Variants in MGAM observed in about 807,000 individuals in gnomAD.
The protein encoded by MGAM is maltase-glucoamylase, also known as alpha-1,4-glucosidase.
Under a neutral mutation model 358.8 loss-of-function variants are expected in MGAM, and 253 were observed. The observed-to-expected ratio is 0.71, with a 90% CI of 0.64 to 0.78. MGAM has a LOEUF of 0.78. Among genes scored for constraint, MGAM ranks in the 30% least tolerant of loss-of-function variants. The pLI is 0.00. For missense variants in MGAM, 3,080 were observed against 3,432.6 expected, an observed-to-expected ratio of 0.90 and a Z score of 2.57; for synonymous variants, 1,105 against 1,227.1, an observed-to-expected ratio of 0.90 and a Z score of 2.08.
chr7:142,033,206 G>A (rs982394247), intron 14 of MGAM, among the ~76,000 whole-genome samples: 2 of 152,100 alleles, frequency 1.3e-5, no homozygotes, highest in East Asian at 1.9e-4. Context: ...GTAAGTTTAT[G>A]TCATTCTCAG....
At chr7:142,036,345 C>G (rs1251990281) in intron 17 of MGAM, 60 bp downstream of exon 17, 3 of 1,298,018 alleles carry the variant, frequency 2.3e-6, no homozygotes, top group Non-Finnish European at 2.2e-6. Context: ...CTAGATCTGT[C>G]TGCATCCTTG....
chr7:142,056,774 G>A, intron 29 of MGAM, 56 bp from the exon 30 acceptor site: 7 of 1,551,318 alleles, frequency 4.5e-6, no homozygotes, highest in Non-Finnish European at 6.2e-6. Flanking sequence ...GGATTTCAGG[G>A]GTGATTCGTG....
At chr7:142,035,940 T>G (rs1554465615) in intron 16 of MGAM, among the ~76,000 whole-genome samples, 1 of 152,184 alleles carries the variant, frequency 6.6e-6, no homozygotes, top group Non-Finnish European at 1.5e-5. Context: ...TGTAGTAATT[T>G]AGTACTCACT....
intron 2 of MGAM, among the ~76,000 whole-genome samples, chr7:141,987,445 T>G (rs1803763750): frequency 6.6e-6 from 1 of 152,212 alleles, no homozygotes; most frequent in East Asian, 1.9e-4. Context: ...TCAGGCACTG[T>G]GTCTCAAATC....
Position 142,103,270 on chromosome 7 carries a change from A to G in MGAM, c.8015A>G (p.Asn2672Ser), listed in dbSNP as rs1563232332. The G allele has an allele frequency of 6.3e-7, 1 of 1,590,800 alleles. No individual in the cohort carries two copies. The highest frequency in any genetic ancestry group is 8.5e-7 in the Non-Finnish European group (1 of 1,171,184). The change falls in exon 70 of 71, where the codon AAT (asparagine) becomes AGT (serine). Residue 2672 changes from asparagine (N) to serine (S), a missense_variant and splice_region_variant. By Grantham distance (46) the Asn-to-Ser change is conservative (BLOSUM62 1). Around this residue, in one of 5 missense-constraint regions of MGAM, gnomAD observed 194 missense variants for 172.8 expected, o/e 1.12. Coordinates refer to ENST00000475668, the MANE Select transcript of MGAM (RefSeq NM_001365693.1). ...YYLASFSASQNTMQSHIIFNN... is the reference protein window; with the variant it reads ...YYLASFSASQSTMQSHIIFNN... The stretch of plus-strand genomic sequence containing the variant: ...TTTCTTTTATCTCCAATTCAACAGA[A>G]TACGATGCAAAGCCATATAATTTTC...
At chr7:142,094,016 G>A (rs530373257) in intron 60 of MGAM, among the ~76,000 whole-genome samples, 1 of 146,334 alleles carries the variant, frequency 6.8e-6, no homozygotes, top group Admixed American at 6.9e-5. Flanking sequence ...TCAATTAATA[G>A]TGTGAATTCT....
At chr7:142,061,972 A>G (rs1269536775) in intron 34 of MGAM, among the ~76,000 whole-genome samples, 1 of 152,198 alleles carries the variant, frequency 6.6e-6, no homozygotes, top group Non-Finnish European at 1.5e-5. Flanking sequence ...CACTGCTTTT[A>G]TTATGTGAGG....
At chr7:141,986,701 T>A (rs1554446286) in intron 2 of MGAM, among the ~76,000 whole-genome samples, 2 of 152,226 alleles carry the variant, frequency 1.3e-5, no homozygotes, top group East Asian at 3.8e-4. Context: ...TACATTTGCA[T>A]ACTATTATAT....
intron 3 of MGAM, among the ~76,000 whole-genome samples, chr7:142,009,096 CCCTGTATGT>C (rs1233087691): frequency 5.3e-5 from 8 of 152,110 alleles, no homozygotes; most frequent in Admixed American, 2.6e-4. Context: ...TCTGTTCATG[CCCTGTATGT>C]CTCTCCTCCT....
At chr7:142,078,147 C>T (rs1813900306) in intron 47 of MGAM, among the ~76,000 whole-genome samples, 171 bp from the exon 48 acceptor site, 1 of 146,066 alleles carries the variant, frequency 6.8e-6, no homozygotes, top group Non-Finnish European at 1.5e-5. Context: ...AATAGATTCC[C>T]CCACTGTACA....
rs10215476 is a variant in MGAM, at chr7:142,038,508, T to C, written c.2232-23T>C. 22,501 of 1,577,920 alleles carry C rather than the reference T, an allele frequency of 0.014. 2,418 individuals carry two copies. In the African/African-American group the frequency reaches 0.25, roughly 17 times the overall value. On this transcript the variant is annotated intron_variant, in intron 18 of 70. Coordinates refer to ENST00000475668, the MANE Select transcript of MGAM (RefSeq NM_001365693.1). The stretch of plus-strand genomic sequence containing the variant: ...TCATTGGCAGTGGCTCAAATCTCAG[T>C]GAACTGTCTCTCTGGTTTTCAGGTT...
chr7:142,066,208 C>T (rs1812740436), intron 40 of MGAM, among the ~76,000 whole-genome samples: 2 of 145,930 alleles, frequency 1.4e-5, no homozygotes, highest in South Asian at 4.4e-4. Flanking sequence ...GCGATCCACT[C>T]GACAGCCTCC....
At chr7:141,987,062 G>A (rs117147209) in intron 2 of MGAM, among the ~76,000 whole-genome samples, 65 of 152,278 alleles carry the variant, frequency 4.3e-4, no homozygotes, top group Non-Finnish European at 8.1e-4. Flanking sequence ...GACGAAACAC[G>A]AGCCTGTCAT....
chr7:142,088,692 A>G (rs1299166651), intron 57 of MGAM, among the ~76,000 whole-genome samples: 1 of 139,772 alleles, frequency 7.2e-6, no homozygotes, highest in Admixed American at 7.3e-5. Flanking sequence ...CTATCTATCT[A>G]TCTATCCATC....
chr7:142,074,409 T>TA (rs5888025), intron 45 of MGAM, among the ~76,000 whole-genome samples: 14,073 of 146,244 alleles, frequency 0.096, 2,094 homozygotes, highest in African/African-American at 0.23. Context: ...ATACCTATAA[T>TA]GGCTCTTATT....
chr7:142,015,896 G>T (rs1584919824), intron 3 of MGAM, among the ~76,000 whole-genome samples: 11 of 151,832 alleles, frequency 7.2e-5, no homozygotes, highest in Admixed American at 7.2e-4. Flanking sequence ...TGATTATATG[G>T]TATACTTTTT....
intron 21 of MGAM, among the ~76,000 whole-genome samples, chr7:142,044,291 T>G (rs1180011694): frequency 1.1e-5 from 1 of 93,368 alleles, no homozygotes; most frequent in African/African-American, 3.0e-5. Context: ...ATACGACATA[T>G]AATATATACT....
rs1403927506 is a variant in MGAM, at chr7:142,041,858, AT to A, written c.2498+1016del. ...CACTGCCACTTTCAAGTTTCTGGTC[AT>A]TTTATATATATATTATATATATACG... is the stretch of plus-strand genomic sequence containing the variant. On this transcript the variant is annotated intron_variant, in intron 21 of 70. Transcript: ENST00000475668. 5.1e-5 allele frequency among the ~76,000 whole-genome samples: 6 copies of A among 117,538 alleles called. 1 individual carries two copies. The highest frequency in any genetic ancestry group is 1.9e-4 in the African/African-American group (6 of 30,920). 77.1% of individuals were successfully genotyped at this position (117,538 alleles called of 152,430 possible).
In MGAM at chr7:142,025,056, A is replaced by ACTAATT; in HGVS notation, c.890_895dup (p.Asn298_Leu299insSerAsn). On this transcript the variant is annotated inframe_insertion, in exon 8 of 71. Coordinates refer to ENST00000475668, the MANE Select transcript of MGAM (RefSeq NM_001365693.1). The stretch of plus-strand genomic sequence containing the variant: ...TTTAATTCTCTTTCTGCAGAACGGA[A>ACTAATT]CTAATTTGTATGGTGCGCAGACATT... 1.2e-6 allele frequency: 2 copies of ACTAATT among 1,612,916 alleles called. No homozygotes were observed. Among genetic ancestry groups the ACTAATT allele is most frequent in the African/African-American group, 2.7e-5 (2 of 75,008 alleles).
Sources: gnomAD v4.1 joint callset for allele counts (sites outside exome capture counted in the v4.1 genomes callset) on GRCh38, gnomAD v4.1.1 for gene constraint, gnomAD v4.1.1 regional missense constraint, MANE v1.5 for transcripts, NCBI Gene and HGNC (gene_info 2026-07-23, HGNC 2026-07-21) for gene names.